RAB44: variants seen among roughly 807,000 people sequenced by gnomAD.
The protein encoded by RAB44 is RAB44, member RAS oncogene family, also known as ras-related protein Rab-44.
RAB44 carries 67 observed loss-of-function variants against 93.3 expected under a neutral mutation model. The ratio of observed to expected loss-of-function variants is 0.72; its 90% confidence interval spans 0.59 to 0.88. The LOEUF (loss-of-function observed/expected upper bound fraction) is 0.88, where lower values mean the gene tolerates loss of function less well. Ranked by LOEUF, RAB44 falls within the 40% of genes least tolerant of loss-of-function variation. RAB44 has a pLI of 0.00. For synonymous variants in RAB44, 427 were observed against 520.3 expected, an observed-to-expected ratio of 0.82 and a Z score of 2.44; for missense variants, 1,064 against 1,261.7, an observed-to-expected ratio of 0.84 and a Z score of 2.37.
Position 36,717,425 on chromosome 6 carries a change from T to C in RAB44, c.641+6T>C. On this transcript the variant is annotated splice_donor_region_variant and intron_variant, in intron 5 of 13. Coordinates refer to ENST00000612677, the MANE Select transcript of RAB44 (RefSeq NM_001257357.2). The surrounding 1 kb of genome is among the most constrained non-coding windows in gnomAD (Gnocchi z 4.1). ...CTGGAGCTGACCCTGAGGAAGTGAG[T>C]GGGGGGCCTGGCCGGGTGTCTGATA... 1 of 1,231,610 alleles carries C rather than the reference T, an allele frequency of 8.1e-7. No homozygotes were observed. Among genetic ancestry groups the C allele is most frequent in the Non-Finnish European group, 1.0e-6 (1 of 987,834 alleles). 76.3% of individuals were successfully genotyped at this position (1,231,610 alleles called of 1,614,324 possible).
Position 36,715,456 on chromosome 6 carries a change from C to T in RAB44, c.320-23C>T. 2.6e-6 allele frequency: 4 copies of T among 1,535,574 alleles called. 1 individual carries two copies. In the South Asian group the frequency reaches 3.6e-5, roughly 14 times the overall value. On this transcript the variant is annotated intron_variant, in intron 3 of 13. Coordinates refer to ENST00000612677, the MANE Select transcript of RAB44 (RefSeq NM_001257357.2). Reference sequence around the variant, plus strand: ...CTGGGCCCAACACCACTGTGCTCCCCTCTGTCCACTTCTGTCCCACAGAAA... The same window carrying T: ...CTGGGCCCAACACCACTGTGCTCCCTTCTGTCCACTTCTGTCCCACAGAAA...
intron 9 of RAB44, among the ~76,000 whole-genome samples, chr6:36,723,318 T>C (rs749354537): frequency 1.4e-4 from 22 of 152,192 alleles, no homozygotes; most frequent in Non-Finnish European, 2.5e-4. Context: ...GCTGCCTTCC[T>C]AGAGTGGTTG....
intron 7 of RAB44, among the ~76,000 whole-genome samples, chr6:36,719,120 C>T (rs934069994): frequency 2.6e-5 from 4 of 152,266 alleles, no homozygotes; most frequent in South Asian, 2.1e-4. Flanking sequence ...GGGGTTTCAC[C>T]GTGGTCTCAA....
chr6:36,732,909 G>C lies in RAB44; in HGVS notation c.*816G>C, dbSNP rs1467851625. On this transcript the variant is annotated 3_prime_UTR_variant, in exon 14 of 14. Transcript: ENST00000612677. ...GAGTTGTCAGTCTCTGGATGCATTT[G>C]AGGGGCAGCTAGGGTGTGGCTGGGG... is the stretch of plus-strand genomic sequence containing the variant. 1.3e-5 allele frequency: 2 copies of C among 152,268 alleles called. No homozygotes were observed. The highest frequency in any genetic ancestry group is 2.9e-5 in the Non-Finnish European group (2 of 68,090). 9.4% of individuals were successfully genotyped at this position (152,268 alleles called of 1,614,324 possible).
rs1041265397 is a variant in RAB44 at position 36,730,741 on chromosome 6, C to T, written c.2967C>T (p.Asn989=). Reference sequence around the variant, plus strand: ...ACAACATCCTGGAGCCTGTAGTAAACCTGGCCAGGTAAGTGCTGCCCGCCC... The same window carrying T: ...ACAACATCCTGGAGCCTGTAGTAAATCTGGCCAGGTAAGTGCTGCCCGCCC... The part of the protein sequence containing the change: ...LGHNILEPVV[N]LARSLRMQEE... Residue 989 remains asparagine, a synonymous_variant, in exon 13 of 14, where the codon AAC becomes AAT. Transcript: ENST00000612677. The T allele has an allele frequency of 1.6e-6, 2 of 1,233,572 alleles. No individual in the cohort carries two copies. The highest frequency in any genetic ancestry group is 2.0e-6 in the Non-Finnish European group (2 of 988,308). 76.4% of individuals were successfully genotyped at this position (1,233,572 alleles called of 1,614,324 possible).
chr6:36,713,813 G>T lies in RAB44; in HGVS notation c.208-15G>T. The stretch of plus-strand genomic sequence containing the variant: ...CCCGGTGGGAACACCTGCCCAACTT[G>T]CCCATTCCTTCCAGGTGGCCAAGTT... On this transcript the variant is annotated splice_polypyrimidine_tract_variant and intron_variant, in intron 2 of 13. Coordinates refer to ENST00000612677, the MANE Select transcript of RAB44 (RefSeq NM_001257357.2). The T allele has an allele frequency of 6.6e-7, 1 of 1,509,996 alleles. No homozygotes were observed. 93.5% of individuals were successfully genotyped at this position (1,509,996 alleles called of 1,614,324 possible). A position where few individuals can be genotyped will look rare whatever the true frequency, so the allele number is the denominator to read the frequency against.
rs965554331 is a variant in RAB44, at chr6:36,731,196, C to T, written c.2975+447C>T. On this transcript the variant is annotated intron_variant, in intron 13 of 13. Transcript: ENST00000612677. This position sits in a 1 kb window ranked among gnomAD's most constrained non-coding sequence, Gnocchi z 4.0. Reference sequence around the variant, plus strand: ...ACACTCACACTCTTACACACACTCACACTCACACACACACACTTGCCAAGT... The same window carrying T: ...ACACTCACACTCTTACACACACTCATACTCACACACACACACTTGCCAAGT... Among the ~76,000 whole-genome samples the T allele has an allele frequency of 1.3e-5, 2 of 151,994 alleles. No homozygotes were observed. The highest frequency in any genetic ancestry group is 4.8e-5 in the African/African-American group (2 of 41,394).
chr6:36,713,991 G>A, intron 3 of RAB44, 52 bp downstream of exon 3: 1 of 1,149,438 alleles, frequency 8.7e-7, no homozygotes, highest in Non-Finnish European at 1.3e-6. Flanking sequence ...CGTGCAGTGT[G>A]CCCTGCATGG....
intron 7 of RAB44, among the ~76,000 whole-genome samples, chr6:36,719,111 G>C (rs1163846563): frequency 1.3e-5 from 2 of 152,116 alleles, no homozygotes; most frequent in Admixed American, 6.5e-5. Context: ...AGTAGAGATG[G>C]GGTTTCACCG....
At chr6:36,714,100 C>T (rs549041567) in intron 3 of RAB44, among the ~76,000 whole-genome samples, 161 bp downstream of exon 3, 1 of 152,334 alleles carries the variant, frequency 6.6e-6, no homozygotes, top group Admixed American at 6.5e-5. Context: ...CTGTGCATCC[C>T]CTCTGCCCCT....
chr6:36,708,555 A>G (rs1234747856), intron 2 of RAB44, among the ~76,000 whole-genome samples: 1 of 152,224 alleles, frequency 6.6e-6, no homozygotes, highest in African/African-American at 2.4e-5. Flanking sequence ...ACCAAGAAAT[A>G]TTACTTTGTT....
chr6:36,720,824 T>TAC (rs368043842), intron 8 of RAB44, among the ~76,000 whole-genome samples: 12 of 151,998 alleles, frequency 7.9e-5, no homozygotes, highest in South Asian at 4.2e-4. Flanking sequence ...CACACACACA[T>TAC]ACACACACAC....
chr6:36,720,055 G>C (rs191967073), intron 7 of RAB44, among the ~76,000 whole-genome samples: 244 of 152,350 alleles, frequency 1.6e-3, no homozygotes, highest in Non-Finnish European at 3.0e-3. Context: ...AGCAGCCACT[G>C]TAGGGCGCTG....
At chr6:36,712,340 G>C (rs1230326798) in intron 2 of RAB44, among the ~76,000 whole-genome samples, 1 of 152,138 alleles carries the variant, frequency 6.6e-6, no homozygotes, top group East Asian at 1.9e-4. Flanking sequence ...TCAAAGAGCT[G>C]TTCTCCTTCC....
In RAB44 at chr6:36,720,399, C is replaced by T. The variant is rs1437195286; in HGVS notation, c.865C>T (p.Gln289Ter). 8.1e-7 allele frequency: 1 copy of T among 1,232,390 alleles called. No homozygotes were observed. Among genetic ancestry groups the T allele is most frequent in the Admixed American group, 4.2e-5 (1 of 23,700 alleles). The allele number at this position is 1,232,390 out of a possible 1,614,324, so 76.3% of individuals were successfully genotyped here. Residue 289 changes from glutamine (Q) to a stop codon, truncating the protein, a stop_gained, in exon 8 of 14, where the codon CAG becomes TAG. Transcript: ENST00000612677. LOFTEE classifies it high-confidence loss of function. ...GCTCTCCCACCTCAGGAGCACACAT[C>T]AGGAGGCTGCCTCAGAGAACCAGCA... ...AQLSHLRSTH[Q>*]EAASENQQLQ...
intron 9 of RAB44, among the ~76,000 whole-genome samples, chr6:36,723,836 C>CAA (rs565860026): frequency 1.9e-4 from 12 of 64,620 alleles, no homozygotes; most frequent in African/African-American, 5.4e-4. Context: ...TTCCGTCTCC[C>CAA]AAAAAAAAAA....
At chr6:36,699,681 T>G (rs1484038773) in intron 1 of RAB44, among the ~76,000 whole-genome samples, 3 of 152,020 alleles carry the variant, frequency 2.0e-5, no homozygotes, top group African/African-American at 7.2e-5. Flanking sequence ...AAGAGCAGAG[T>G]CTGGTGTAGT....
At chr6:36,718,371 T>A in intron 6 of RAB44, 122 bp from the exon 7 acceptor site, 2 of 490,928 alleles carry the variant, frequency 4.1e-6, no homozygotes, top group East Asian at 7.0e-5. Flanking sequence ...CTGAGAACCC[T>A]CCCTGCTGGG....
At position 36,721,998 on chromosome 6, in the gene RAB44, G is replaced by A. The variant is rs2150337894; in HGVS notation, c.1864G>A (p.Glu622Lys). Residue 622 changes from glutamate to lysine, a missense_variant, in exon 9 of 14, where the codon GAA becomes AAA. By Grantham distance (56) the Glu-to-Lys change is moderately conservative. Coordinates refer to ENST00000612677, the MANE Select transcript of RAB44 (RefSeq NM_001257357.2). ...GCCAGCTGAGCCCTTCCAGGGCCTG[G>A]AATTTGTGGGTCCGGTGCCCACAGA... ...LGPAEPFQGL[E>K]FVGPVPTERL... 8.1e-7 allele frequency: 1 copy of A among 1,234,642 alleles called. No homozygotes were observed. Among genetic ancestry groups the A allele is most frequent in the Non-Finnish European group, 1.0e-6 (1 of 988,410 alleles). 76.5% of individuals were successfully genotyped at this position (1,234,642 alleles called of 1,614,324 possible). A position where few individuals can be genotyped will look rare whatever the true frequency, so the allele number is the denominator to read the frequency against.
Sources: gnomAD v4.1 joint callset for allele counts (sites outside exome capture counted in the v4.1 genomes callset) on GRCh38, gnomAD v4.1.1 for gene constraint, Gnocchi (gnomAD v3.1) non-coding constraint, MANE v1.5 for transcripts, NCBI Gene and HGNC (gene_info 2026-07-23, HGNC 2026-07-21) for gene names.